The following SGMS1 variants were observed in gnomAD, a reference collection of about 807,000 sequenced individuals.
SGMS1 encodes the protein phosphatidylcholine:ceramide cholinephosphotransferase 1.
Under a neutral mutation model 46.2 loss-of-function variants are expected in SGMS1, and 13 were observed. That is an observed-to-expected ratio of 0.28 (90% CI 0.18 to 0.45). The LOEUF is 0.45. SGMS1 is among the 20% of genes least tolerant of loss of function. The pLI is 1.00. For missense variants in SGMS1, 324 were observed against 519.9 expected (o/e 0.62, Z 3.66); for synonymous variants, 203 against 187.8 (o/e 1.08, Z -0.66).
At chr10:50,410,098 G>A (rs1360397687) in intron 6 of SGMS1, among the ~76,000 whole-genome samples, 1 of 152,132 alleles carries the variant, frequency 6.6e-6, no homozygotes, top group African/African-American at 2.4e-5. Flanking sequence ...TTTTAACAAT[G>A]TACTCTAGTT....
chr10:50,577,548 T>C (rs1196207611), intron 2 of SGMS1, among the ~76,000 whole-genome samples: 1 of 152,202 alleles, frequency 6.6e-6, no homozygotes, highest in Non-Finnish European at 1.5e-5. Context: ...TCTGCAGTAC[T>C]GTCCTTCCTC....
intron 6 of SGMS1, among the ~76,000 whole-genome samples, chr10:50,405,259 T>C (rs1848996950): frequency 1.3e-5 from 2 of 152,122 alleles, no homozygotes; most frequent in South Asian, 4.1e-4. Flanking sequence ...ATTTAAAGCA[T>C]TTATAATAAA....
chr10:50,606,427 G>A (rs530720818), intron 1 of SGMS1, among the ~76,000 whole-genome samples: 1 of 152,270 alleles, frequency 6.6e-6, no homozygotes, highest in East Asian at 1.9e-4. Flanking sequence ...GGTACTTAAT[G>A]CCACTGAACT....
At chr10:50,308,378 T>G (rs942875476) in intron 9 of SGMS1, among the ~76,000 whole-genome samples, 1 of 152,166 alleles carries the variant, frequency 6.6e-6, no homozygotes, top group South Asian at 2.1e-4. Context: ...TCTTACTTGA[T>G]TCATACAATC....
chr10:50,348,090 T>C (rs1301444455), intron 6 of SGMS1, among the ~76,000 whole-genome samples: 2 of 152,130 alleles, frequency 1.3e-5, no homozygotes, highest in Non-Finnish European at 2.9e-5. Flanking sequence ...CAGCTCCCAT[T>C]TATGAGTGAG....
chr10:50,518,876 T>C (rs764207701), intron 3 of SGMS1, among the ~76,000 whole-genome samples: 6 of 152,214 alleles, frequency 3.9e-5, no homozygotes, highest in East Asian at 1.9e-4. Context: ...ATATCAAAGA[T>C]GTTCAATTGC....
intron 7 of SGMS1, among the ~76,000 whole-genome samples, chr10:50,337,101 A>G (rs1005430940): frequency 6.6e-6 from 1 of 152,210 alleles, no homozygotes; most frequent in African/African-American, 2.4e-5. Context: ...AATAATGGGT[A>G]AGTATCCGAA....
chr10:50,337,857 T>C (rs1191757896), intron 7 of SGMS1, among the ~76,000 whole-genome samples: 1 of 133,602 alleles, frequency 7.5e-6, no homozygotes, highest in Non-Finnish European at 1.6e-5. Flanking sequence ...AAAAGGCTTA[T>C]CAAAGGTTAA....
chr10:50,428,385 T>C (rs1476654343), intron 6 of SGMS1, among the ~76,000 whole-genome samples: 1 of 152,160 alleles, frequency 6.6e-6, no homozygotes, highest in Admixed American at 6.5e-5. Flanking sequence ...AGAGGATTTA[T>C]TTGGCCAAGC....
chr10:50,457,692 C>T (rs1292234737), intron 5 of SGMS1, among the ~76,000 whole-genome samples: 2 of 152,044 alleles, frequency 1.3e-5, no homozygotes, highest in South Asian at 2.1e-4. Context: ...TGTATTAGTT[C>T]GCTTAAAATA....
chr10:50,343,605 C>G lies in SGMS1; in HGVS notation c.510G>C (p.Pro170=). The change falls in exon 7 of 11, where the codon CCG becomes CCC. Residue 170 remains proline (P), a synonymous_variant. Coordinates refer to ENST00000361781, the MANE Select transcript of SGMS1 (RefSeq NM_147156.4). Reference sequence around the variant, plus strand: ...GGTTAAAATGGTCAAAAAATGTGTCCGGTAGTGGAGGCTGCACCTCCTTAG... The same window carrying G: ...GGTTAAAATGGTCAAAAAATGTGTCGGGTAGTGGAGGCTGCACCTCCTTAG... The part of the protein sequence containing the change: ...VPPKEVQPPL[P]DTFFDHFNRV... The G allele has an allele frequency of 6.2e-7, 1 of 1,613,982 alleles. No homozygotes were observed. The highest frequency in any genetic ancestry group is 2.2e-5 in the East Asian group (1 of 44,858).
intron 2 of SGMS1, among the ~76,000 whole-genome samples, chr10:50,547,980 T>A (rs1453842084): frequency 6.6e-6 from 1 of 152,126 alleles, no homozygotes; most frequent in African/African-American, 2.4e-5. Flanking sequence ...AGGCCTTTGA[T>A]AAAATTCAAC....
intron 6 of SGMS1, among the ~76,000 whole-genome samples, chr10:50,402,437 G>T (rs1475303596): frequency 6.6e-6 from 1 of 152,104 alleles, no homozygotes; most frequent in Non-Finnish European, 1.5e-5. Flanking sequence ...CAAGAAAAAG[G>T]GGCCACGATC....
chr10:50,499,264 T>C (rs1403252633), intron 3 of SGMS1, among the ~76,000 whole-genome samples: 2 of 152,230 alleles, frequency 1.3e-5, no homozygotes, highest in African/African-American at 4.8e-5. Context: ...GCCTTGGTTT[T>C]CTCATTGGTG....
At chr10:50,622,983 G>C (rs1206911773) in intron 1 of SGMS1, among the ~76,000 whole-genome samples, 1 of 152,244 alleles carries the variant, frequency 6.6e-6, no homozygotes, top group Non-Finnish European at 1.5e-5. Flanking sequence ...AGACTGTCCA[G>C]TTCTGGGCTG....
chr10:50,331,415 C>T (rs1847622221), intron 7 of SGMS1, among the ~76,000 whole-genome samples: 3 of 152,172 alleles, frequency 2.0e-5, no homozygotes, highest in Admixed American at 2.0e-4. Flanking sequence ...AGCCAACATC[C>T]CATCCCATTT....
chr10:50,341,525 G>C, intron 7 of SGMS1: 1 of 442,824 alleles, frequency 2.3e-6, no homozygotes, highest in South Asian at 1.6e-5. Context: ...AATATAATTG[G>C]CCCATCCAAT....
chr10:50,331,741 C>G lies in SGMS1; in HGVS notation c.624-4419G>C, dbSNP rs72801734. On this transcript the variant is annotated intron_variant, in intron 7 of 10. Transcript: ENST00000361781. ...TTCCCCTCAAATTCCTATGTTGAAA[C>G]CTAATCACCAGTGATTAGATCACAA... 1.5e-4 allele frequency among the ~76,000 whole-genome samples: 23 copies of G among 152,310 alleles called. No individual in the cohort carries two copies. In the South Asian group the frequency reaches 4.4e-3, roughly 29 times the overall value.
In SGMS1 at chr10:50,437,366, C is replaced by A. The variant is rs367821912; in HGVS notation, c.-312-3810G>T. Among the ~76,000 whole-genome samples the A allele has an allele frequency of 9.3e-4, 142 of 152,258 alleles. 1 individual carries two copies. Among genetic ancestry groups the A allele is most frequent in the African/African-American group, 3.3e-3 (139 of 41,548 alleles). On this transcript the variant is annotated intron_variant, in intron 5 of 10. Coordinates refer to ENST00000361781, the MANE Select transcript of SGMS1 (RefSeq NM_147156.4). ...GCAGCAGTATTCAGAGGCTTCTTGG[C>A]CAGTGGAAAATTCAGAAATGTTAAC... is the stretch of plus-strand genomic sequence containing the variant.
Sources: gnomAD v4.1 joint callset for allele counts (sites outside exome capture counted in the v4.1 genomes callset) on GRCh38, gnomAD v4.1.1 for gene constraint, MANE v1.5 for transcripts, NCBI Gene and HGNC (gene_info 2026-07-23, HGNC 2026-07-21) for gene names.